The following ROCK2 variants were observed in gnomAD, a reference collection of about 807,000 sequenced individuals.
The protein encoded by ROCK2 is Rho associated coiled-coil containing protein kinase 2, also known as rho-associated protein kinase 2.
A neutral mutation model predicts 195.1 loss-of-function variants in ROCK2; 61 were observed. That is an observed-to-expected ratio of 0.31 (90% confidence interval 0.25 to 0.39). ROCK2 has a LOEUF of 0.39. Ranked by LOEUF, ROCK2 falls within the 10% of genes least tolerant of loss-of-function variation. The pLI is 1.00. For synonymous variants in ROCK2, 504 were observed against 545.5 expected, an observed-to-expected ratio of 0.92 and a Z score of 1.06; for missense variants, 1,109 against 1,637.4, an observed-to-expected ratio of 0.68 and a Z score of 5.57.
intron 3 of ROCK2, among the ~76,000 whole-genome samples, chr2:11,284,937 T>C (rs1417452282): frequency 2.0e-5 from 3 of 152,206 alleles, no homozygotes; most frequent in Non-Finnish European, 2.9e-5. Flanking sequence ...TTATTCAACG[T>C]GCTACCATTG....
chr2:11,309,987 A>C (rs1382470687), intron 1 of ROCK2, among the ~76,000 whole-genome samples: 1 of 152,192 alleles, frequency 6.6e-6, no homozygotes, highest in African/African-American at 2.4e-5. Flanking sequence ...AAAAAAAGAA[A>C]AGAAATGAAA....
intron 3 of ROCK2, among the ~76,000 whole-genome samples, chr2:11,259,687 A>G (rs1490422565): frequency 3.3e-5 from 5 of 151,336 alleles, no homozygotes; most frequent in Admixed American, 6.6e-5. Flanking sequence ...TGATACATAA[A>G]TCTATACTAA....
intron 20 of ROCK2, among the ~76,000 whole-genome samples, chr2:11,207,239 A>G (rs1254831139): frequency 2.0e-5 from 3 of 152,230 alleles, no homozygotes; most frequent in African/African-American, 7.2e-5. Flanking sequence ...ACAGACGTGC[A>G]CAATCGTGCC....
chr2:11,271,359 G>T (rs1261838446), intron 3 of ROCK2, among the ~76,000 whole-genome samples: 1 of 152,222 alleles, frequency 6.6e-6, no homozygotes. Flanking sequence ...GTTTTTAATT[G>T]TCTGACTTGA....
intron 7 of ROCK2, among the ~76,000 whole-genome samples, chr2:11,223,687 G>GTTGGTCCTTTGAC (rs1421361386): frequency 6.6e-6 from 1 of 152,152 alleles, no homozygotes; most frequent in Non-Finnish European, 1.5e-5. Context: ...TCTTGTATAT[G>GTTGGTCCTTTGAC]TTGGTCCTTT....
At chr2:11,319,634 T>C (rs973040630) in intron 1 of ROCK2, among the ~76,000 whole-genome samples, 2 of 152,130 alleles carry the variant, frequency 1.3e-5, no homozygotes, top group Non-Finnish European at 2.9e-5. Context: ...CTTCCAACAC[T>C]ATGTTGAATA....
intron 3 of ROCK2, among the ~76,000 whole-genome samples, chr2:11,269,757 C>T (rs976799977): frequency 3.3e-5 from 5 of 151,932 alleles, no homozygotes; most frequent in African/African-American, 1.2e-4. Flanking sequence ...TGTTTGTGTG[C>T]TTTTTCATTA....
In ROCK2 at chr2:11,182,623, C is replaced by G. The variant is rs987643544; in HGVS notation, c.*814G>C. 3.5e-4 allele frequency: 54 copies of G among 152,630 alleles called. No individual in the cohort carries two copies. The highest frequency in any genetic ancestry group is 1.3e-3 in the African/African-American group (53 of 41,544). 9.5% of individuals were successfully genotyped at this position (152,630 alleles called of 1,614,324 possible). A position where few individuals can be genotyped will look rare whatever the true frequency, so the allele number is the denominator to read the frequency against. ...ATCTTCCACAAAGCTAGTTTACATC[C>G]TAAGAGCTGGTAAACGCTTTTTTTG... On this transcript the variant is annotated 3_prime_UTR_variant, in exon 33 of 33. Coordinates refer to ENST00000315872, the MANE Select transcript of ROCK2 (RefSeq NM_004850.5).
intron 6 of ROCK2, among the ~76,000 whole-genome samples, chr2:11,225,242 T>C (rs1016619844): frequency 6.6e-6 from 1 of 152,174 alleles, no homozygotes; most frequent in Admixed American, 6.5e-5. Context: ...GGCACCATTT[T>C]GGCCAGTACT....
intron 1 of ROCK2, among the ~76,000 whole-genome samples, chr2:11,301,099 T>C (rs368336776): frequency 6.6e-6 from 1 of 152,148 alleles, no homozygotes; most frequent in Non-Finnish European, 1.5e-5. Flanking sequence ...AAAGCATATG[T>C]CATTTAGTGG....
At position 11,317,584 on chromosome 2, in the gene ROCK2, A is replaced by C. The variant is rs189642936; in HGVS notation, c.141+26412T>G. The stretch of plus-strand genomic sequence containing the variant: ...CGCCCTGATCTACACATTTATATAT[A>C]TATATATATATATATATATATATAT... On this transcript the variant is annotated intron_variant, in intron 1 of 32. Coordinates refer to ENST00000315872, the MANE Select transcript of ROCK2 (RefSeq NM_004850.5). 8.2e-3 allele frequency among the ~76,000 whole-genome samples: 91 copies of C among 11,110 alleles called. 3 individuals are homozygous for C. Among genetic ancestry groups the C allele is most frequent in the African/African-American group, 0.028 (88 of 3,180 alleles). 7.3% of individuals were successfully genotyped at this position (11,110 alleles called of 152,430 possible). A position where few individuals can be genotyped will look rare whatever the true frequency, so the allele number is the denominator to read the frequency against.
chr2:11,212,515 C>T (rs1664285588), intron 17 of ROCK2, among the ~76,000 whole-genome samples: 1 of 151,998 alleles, frequency 6.6e-6, no homozygotes, highest in Admixed American at 6.6e-5. Flanking sequence ...TGGTTCTCTC[C>T]ATTCTGCTTG....
intron 3 of ROCK2, among the ~76,000 whole-genome samples, chr2:11,255,129 A>C (rs181032633): frequency 4.7e-5 from 7 of 149,632 alleles, no homozygotes; most frequent in African/African-American, 1.3e-4. Flanking sequence ...AGGCAGGAGA[A>C]TGGCATGAAC....
At chr2:11,230,806 A>G (rs1342031186) in intron 5 of ROCK2, among the ~76,000 whole-genome samples, 1 of 152,188 alleles carries the variant, frequency 6.6e-6, no homozygotes, top group Non-Finnish European at 1.5e-5. Context: ...GGTCAATCAG[A>G]AATCTTGGAG....
Position 11,204,609 on chromosome 2 carries a change from A to G in ROCK2, c.2550-2488T>C, listed in dbSNP as rs575905567. 3.3e-5 allele frequency among the ~76,000 whole-genome samples: 5 copies of G among 152,290 alleles called. No individual in the cohort carries two copies. The East Asian group carries it at 9.6e-4, about 29-fold the overall frequency. On this transcript the variant is annotated intron_variant, in intron 20 of 32. Coordinates refer to ENST00000315872, the MANE Select transcript of ROCK2 (RefSeq NM_004850.5). ...CTCTGGGCCTTACTTACGTCTTTCA[A>G]ACCTTCCATGACATTTCTTCTTTTG...
chr2:11,342,349 A>T (rs1669132993), intron 1 of ROCK2, among the ~76,000 whole-genome samples: 1 of 152,236 alleles, frequency 6.6e-6, no homozygotes, highest in Non-Finnish European at 1.5e-5. Context: ...TTTCACTTTT[A>T]AAAATAGCCT....
At chr2:11,295,692 C>A (rs992490585) in intron 1 of ROCK2, among the ~76,000 whole-genome samples, 4 of 152,154 alleles carry the variant, frequency 2.6e-5, no homozygotes, top group Non-Finnish European at 5.9e-5. Context: ...CATGATGGCT[C>A]ACGCCTGTAA....
intron 3 of ROCK2, among the ~76,000 whole-genome samples, chr2:11,279,431 A>G (rs536967437): frequency 2.6e-5 from 4 of 152,352 alleles, no homozygotes; most frequent in Admixed American, 2.0e-4. Context: ...CCAGCGATAA[A>G]AAAGGGCATT....
At chr2:11,325,605 G>A (rs1320796734) in intron 1 of ROCK2, among the ~76,000 whole-genome samples, 1 of 152,200 alleles carries the variant, frequency 6.6e-6, no homozygotes, top group East Asian at 1.9e-4. Flanking sequence ...ATAGGTTAGA[G>A]AAGTCAGCAG....
Sources: gnomAD v4.1 joint callset for allele counts (sites outside exome capture counted in the v4.1 genomes callset) on GRCh38, gnomAD v4.1.1 for gene constraint, MANE v1.5 for transcripts, NCBI Gene and HGNC (gene_info 2026-07-23, HGNC 2026-07-21) for gene names.